Variants in MPRIP observed in about 807,000 individuals in gnomAD.
The protein encoded by MPRIP is myosin phosphatase Rho-interacting protein.
Under a neutral mutation model 234.9 loss-of-function variants are expected in MPRIP, and 59 were observed. That is an observed-to-expected ratio of 0.25 (90% CI 0.20 to 0.31). The LOEUF (loss-of-function observed/expected upper bound fraction) is 0.31. Ranked by LOEUF, MPRIP falls within the 10% of genes least tolerant of loss-of-function variation. The pLI, the probability that MPRIP is intolerant of heterozygous loss-of-function variation, is 1.00. For missense variants in MPRIP, 2,436 were observed against 3,071.0 expected (o/e 0.79, Z 4.89); for synonymous variants, 1,144 against 1,263.9 (o/e 0.91, Z 2.01).
intron 3 of MPRIP, among the ~76,000 whole-genome samples, chr17:17,112,952 C>G (rs938212234): frequency 5.3e-5 from 8 of 152,242 alleles, no homozygotes; most frequent in African/African-American, 1.9e-4. Flanking sequence ...GCATCCTCAG[C>G]CCTGGGCTGT....
chr17:17,164,157 G>T lies in MPRIP; in HGVS notation c.2566G>T (p.Val856Phe). The T allele has an allele frequency of 9.2e-6, 12 of 1,304,296 alleles. No individual in the cohort carries two copies. Among genetic ancestry groups the T allele is most frequent in the Non-Finnish European group, 1.2e-5 (12 of 988,982 alleles). The allele number at this position is 1,304,296 out of a possible 1,614,324, so 80.8% of individuals were successfully genotyped here. Residue 856 changes from valine to phenylalanine, a missense_variant, in exon 16 of 24, where the codon GTC becomes TTC. Around this residue, in one of 4 missense-constraint regions of MPRIP, gnomAD observed 1,998 missense variants for 2,520.3 expected, o/e 0.79. Coordinates refer to ENST00000651222, the MANE Select transcript of MPRIP (RefSeq NM_001364716.4). ...GGGTGCCTGGCAGAGGCTCCATAGA[G>T]TCAACCAAGACCTTCAAAGTGAGCT... ...PSGAWQRLHR[V>F]NQDLQSELEA... is the part of the protein sequence containing the mutation.
intron 11 of MPRIP, 85 bp from the exon 12 acceptor site, chr17:17,150,059 C>G: frequency 1.0e-6 from 1 of 957,710 alleles, no homozygotes; most frequent in Admixed American, 1.8e-5. Context: ...AAAGTCAGTG[C>G]AGAAAATCAC....
At chr17:17,105,155 G>A (rs1463867596) in intron 3 of MPRIP, among the ~76,000 whole-genome samples, 2 of 152,178 alleles carry the variant, frequency 1.3e-5, no homozygotes, top group Non-Finnish European at 2.9e-5. Flanking sequence ...TGGAACCTGG[G>A]ATGGGCATCG....
intron 1 of MPRIP, among the ~76,000 whole-genome samples, chr17:17,057,344 A>G (rs562028255): frequency 1.4e-4 from 22 of 152,352 alleles, no homozygotes; most frequent in African/African-American, 3.8e-4. Context: ...TCGGAGGTAC[A>G]CGCCTTCTTT....
chr17:17,150,612 G>A (rs2045579572), intron 12 of MPRIP, among the ~76,000 whole-genome samples: 1 of 147,924 alleles, frequency 6.8e-6, no homozygotes, highest in Non-Finnish European at 1.5e-5. Context: ...ACTTATTCAT[G>A]TGTTTGTTCA....
chr17:17,174,477 A>G (rs898193956), intron 19 of MPRIP, among the ~76,000 whole-genome samples: 3 of 152,236 alleles, frequency 2.0e-5, no homozygotes, highest in African/African-American at 4.8e-5. Flanking sequence ...CCAGGGATTG[A>G]GCTGACACTT....
intron 20 of MPRIP, 31 bp downstream of exon 20, chr17:17,175,443 C>G: frequency 6.4e-7 from 1 of 1,565,348 alleles, no homozygotes. Context: ...CTGCCTGACT[C>G]AGCTCTGCAC....
In MPRIP at chr17:17,095,721, A is replaced by G. The variant is rs537362416; in HGVS notation, c.267+17645A>G. On this transcript the variant is annotated intron_variant, in intron 3 of 23. Coordinates refer to ENST00000651222, the MANE Select transcript of MPRIP (RefSeq NM_001364716.4). ...ATATAGGATTCTCTGGCCAGAGCCA[A>G]GCCCTGGGATCTGCCTGCCCTTGTA... 1.2e-4 allele frequency among the ~76,000 whole-genome samples: 19 copies of G among 152,208 alleles called. No homozygotes were observed. In the South Asian group the frequency reaches 3.9e-3, roughly 32 times the overall value.
rs2045969087 is a variant in MPRIP at position 17,165,621 on chromosome 17, A to G, written c.4030A>G (p.Ser1344Gly). The G allele has an allele frequency of 7.7e-7, 1 of 1,304,966 alleles. No individual in the cohort carries two copies. The highest frequency in any genetic ancestry group is 1.2e-5 in the South Asian group (1 of 81,036). 80.8% of individuals were successfully genotyped at this position (1,304,966 alleles called of 1,614,324 possible). The change falls in exon 16 of 24, where the codon AGC becomes GGC. Residue 1344 changes from serine to glycine, a missense_variant. By Grantham distance (56) the Ser-to-Gly change is moderately conservative. Around this residue, in one of 4 missense-constraint regions of MPRIP, gnomAD observed 1,998 missense variants for 2,520.3 expected, o/e 0.79. Transcript: ENST00000651222. ...HPEGSEKTWTSSTSSDTSQDR... is the reference protein window; with the variant it reads ...HPEGSEKTWTGSTSSDTSQDR... ...CGAAGGGTCTGAGAAGACCTGGACC[A>G]GCAGCACATCTTCCGACACCAGCCA...
At chr17:17,120,024 A>G (rs904446425) in intron 3 of MPRIP, among the ~76,000 whole-genome samples, 3 of 151,992 alleles carry the variant, frequency 2.0e-5, no homozygotes, top group African/African-American at 7.2e-5. Flanking sequence ...TGACCTTGAG[A>G]TTTTGGGAGT....
chr17:17,061,326 G>A (rs1164118844), intron 1 of MPRIP, among the ~76,000 whole-genome samples: 2 of 152,188 alleles, frequency 1.3e-5, no homozygotes, highest in Non-Finnish European at 2.9e-5. Context: ...AGGGCCAGAC[G>A]GCTGCTACCC....
rs11452230 is a variant in MPRIP, at chr17:17,181,194, AT to A, written c.7206+1117del. On this transcript the variant is annotated intron_variant, in intron 23 of 23. Transcript: ENST00000651222. ...CAATAGGGGCGAAATATTTACCAGT[AT>A]TTTTTTTTTTAATAAAACAAAAGCT... Among the ~76,000 whole-genome samples, 143 of 148,980 alleles carry A rather than the reference AT, an allele frequency of 9.6e-4. 1 individual carries two copies. Among genetic ancestry groups the A allele is most frequent in the East Asian group, 8.6e-3 (44 of 5,110 alleles).
chr17:17,162,775 A>G (rs983202081), intron 15 of MPRIP, among the ~76,000 whole-genome samples: 5 of 152,246 alleles, frequency 3.3e-5, no homozygotes, highest in African/African-American at 4.8e-5. Context: ...CTGAAAGGAA[A>G]TGCTCACTGG....
At chr17:17,112,332 T>G (rs1274961232) in intron 3 of MPRIP, among the ~76,000 whole-genome samples, 1 of 152,120 alleles carries the variant, frequency 6.6e-6, no homozygotes. Context: ...AAACCCGGCC[T>G]CCTTGCCCCT....
At chr17:17,147,436 A>G (rs1275020841) in intron 11 of MPRIP, 49 bp downstream of exon 11, 16 of 1,563,142 alleles carry the variant, frequency 1.0e-5, no homozygotes, top group Non-Finnish European at 1.4e-5. Flanking sequence ...GGAGGGGTCC[A>G]GGCGGCATCT....
intron 15 of MPRIP, among the ~76,000 whole-genome samples, chr17:17,163,682 G>A (rs1459280528): frequency 6.6e-6 from 1 of 152,034 alleles, no homozygotes; most frequent in African/African-American, 2.4e-5. Context: ...TGTGTCCTGC[G>A]CTTGTTTAGG....
chr17:17,101,599 C>A (rs941381493), intron 3 of MPRIP, among the ~76,000 whole-genome samples: 24 of 143,512 alleles, frequency 1.7e-4, no homozygotes, highest in African/African-American at 5.0e-4. Context: ...ACAACAACAA[C>A]AAAAAAAATA....
chr17:17,182,484 AG>A (rs1471387155), intron 23 of MPRIP: 1 of 152,278 alleles, frequency 6.6e-6, no homozygotes, highest in Non-Finnish European at 1.5e-5. Context: ...ACAACAGCCT[AG>A]GGGGAGATGA....
intron 1 of MPRIP, among the ~76,000 whole-genome samples, chr17:17,060,135 G>A (rs2088826631): frequency 6.6e-6 from 1 of 152,330 alleles, no homozygotes. Context: ...CAGGCTGGGT[G>A]TGTGCTGCAG....
Sources: gnomAD v4.1 joint callset for allele counts (sites outside exome capture counted in the v4.1 genomes callset) on GRCh38, gnomAD v4.1.1 for gene constraint, gnomAD v4.1.1 regional missense constraint, MANE v1.5 for transcripts, NCBI Gene and HGNC (gene_info 2026-07-23, HGNC 2026-07-21) for gene names.